Variants in ENOX1 observed in about 807,000 individuals in gnomAD.
The protein encoded by ENOX1 is candidate growth-related and time keeping constitutive hydroquinone (NADH) oxidase.
A neutral mutation model predicts 82.5 loss-of-function variants in ENOX1; 42 were observed. The observed-to-expected ratio is 0.51, with a 90% CI of 0.40 to 0.66. The LOEUF (loss-of-function observed/expected upper bound fraction) is 0.66. Among genes scored for constraint, ENOX1 ranks in the 30% least tolerant of loss-of-function variants. The probability of loss-of-function intolerance (pLI) is 0.00; values close to 1 mark genes in which losing one functional copy is unlikely to be tolerated. For synonymous variants in ENOX1, 271 were observed against 282.2 expected, an observed-to-expected ratio of 0.96 and a Z score of 0.40; for missense variants, 608 against 811.6, an observed-to-expected ratio of 0.75 and a Z score of 3.05.
intron 2 of ENOX1, among the ~76,000 whole-genome samples, chr13:43,623,713 C>G (rs1311318724): frequency 6.6e-6 from 1 of 152,140 alleles, no homozygotes; most frequent in Non-Finnish European, 1.5e-5. Context: ...ACTGCTCTGT[C>G]CAGAGATGCA....
intron 2 of ENOX1, among the ~76,000 whole-genome samples, chr13:43,658,973 AT>A (rs937819729): frequency 7.9e-5 from 12 of 152,046 alleles, no homozygotes; most frequent in African/African-American, 2.9e-4. Context: ...TCTGTCCTCC[AT>A]TTTTTATGTT....
intron 2 of ENOX1, among the ~76,000 whole-genome samples, chr13:43,607,407 C>A (rs2082023049): frequency 1.3e-5 from 2 of 152,062 alleles, no homozygotes; most frequent in African/African-American, 4.8e-5. Context: ...TTATTTGTAA[C>A]CGCATAGTTT....
At chr13:43,278,042 A>T (rs2045160354) in intron 12 of ENOX1, among the ~76,000 whole-genome samples, 1 of 152,130 alleles carries the variant, frequency 6.6e-6, no homozygotes, top group Non-Finnish European at 1.5e-5. Context: ...CAATAATAAA[A>T]CTAAAGGTGT....
chr13:43,652,355 A>G (rs1412991024), intron 2 of ENOX1, among the ~76,000 whole-genome samples: 1 of 152,194 alleles, frequency 6.6e-6, no homozygotes, highest in Admixed American at 6.5e-5. Context: ...GTCAATGTCC[A>G]CAGGCCCATT....
At chr13:43,769,333 C>T (rs1951459276) in intron 1 of ENOX1, among the ~76,000 whole-genome samples, 1 of 152,176 alleles carries the variant, frequency 6.6e-6, no homozygotes, top group Non-Finnish European at 1.5e-5. Flanking sequence ...AAGTGTGCCA[C>T]CCTAATGAGC....
In ENOX1 at chr13:43,542,200, C is replaced by T. The variant is rs887498872; in HGVS notation, c.-218-58048G>A. Among the ~76,000 whole-genome samples the T allele has an allele frequency of 1.6e-4, 25 of 152,178 alleles. No homozygotes were observed. The East Asian group carries it at 1.9e-3, about 12-fold the overall frequency. The stretch of plus-strand genomic sequence containing the variant: ...TGTCGTTCTGGCTGGAGTGCAGTGG[C>T]GTGATCTCGGCTCACTGCAACCTCT... On this transcript the variant is annotated intron_variant, in intron 2 of 16. Transcript: ENST00000690772.
chr13:43,637,521 C>T (rs2083459767), intron 2 of ENOX1, among the ~76,000 whole-genome samples: 1 of 139,894 alleles, frequency 7.1e-6, no homozygotes, highest in South Asian at 2.2e-4. Context: ...TCATAAACAT[C>T]CAGGGGAGGC....
intron 2 of ENOX1, among the ~76,000 whole-genome samples, chr13:43,530,424 C>A (rs545822841): frequency 1.8e-4 from 28 of 152,176 alleles, no homozygotes; most frequent in African/African-American, 6.7e-4. Flanking sequence ...TCACATAGAG[C>A]TAGCTCATCA....
intron 2 of ENOX1, among the ~76,000 whole-genome samples, chr13:43,592,096 G>A (rs1398253789): frequency 1.3e-5 from 2 of 152,166 alleles, no homozygotes; most frequent in Non-Finnish European, 2.9e-5. Context: ...TTTTCACCGT[G>A]TGTGCTCAAC....
chr13:43,616,178 C>CTATAGA (rs1566642064), intron 2 of ENOX1, among the ~76,000 whole-genome samples: 1 of 6,574 alleles, frequency 1.5e-4, no homozygotes, highest in African/African-American at 5.4e-4. Flanking sequence ...ATCTATCTAT[C>CTATAGA]TATCTATCTA....
chr13:43,454,701 T>C (rs1286797950), intron 3 of ENOX1, among the ~76,000 whole-genome samples: 1 of 152,174 alleles, frequency 6.6e-6, no homozygotes, highest in East Asian at 1.9e-4. Context: ...CCAAGACAAG[T>C]AGTAAAAGAG....
At chr13:43,391,978 C>A (rs948376371) in intron 5 of ENOX1, among the ~76,000 whole-genome samples, 1 of 152,178 alleles carries the variant, frequency 6.6e-6, no homozygotes, top group African/African-American at 2.4e-5. Flanking sequence ...CCAGTTCCAC[C>A]TCAACCACCA....
intron 5 of ENOX1, among the ~76,000 whole-genome samples, chr13:43,362,921 T>C (rs1044467343): frequency 2.6e-5 from 4 of 152,194 alleles, no homozygotes; most frequent in Admixed American, 2.0e-4. Context: ...AGGAGGATTT[T>C]TTTTTAAAAG....
intron 3 of ENOX1, among the ~76,000 whole-genome samples, chr13:43,465,227 T>A (rs556189223): frequency 1.2e-4 from 19 of 152,336 alleles, no homozygotes; most frequent in African/African-American, 4.6e-4. Context: ...CTACCTGTAC[T>A]ATTTGGAATT....
chr13:43,515,436 G>A (rs1381916218), intron 2 of ENOX1, among the ~76,000 whole-genome samples: 1 of 152,204 alleles, frequency 6.6e-6, no homozygotes, highest in South Asian at 2.1e-4. Flanking sequence ...CATCAGAAAT[G>A]CTTCTGGGAT....
chr13:43,769,965 C>T (rs538286127), intron 1 of ENOX1, among the ~76,000 whole-genome samples: 33 of 152,280 alleles, frequency 2.2e-4, no homozygotes, highest in African/African-American at 5.8e-4. Context: ...GCAAAAGGAG[C>T]GTATCTTTTG....
chr13:43,640,840 A>G (rs1006527759), intron 2 of ENOX1, among the ~76,000 whole-genome samples: 1 of 151,900 alleles, frequency 6.6e-6, no homozygotes, highest in African/African-American at 2.4e-5. Flanking sequence ...TATGCCTCCC[A>G]ATTACTTGTT....
At chr13:43,582,275 T>C (rs1053109744) in intron 2 of ENOX1, among the ~76,000 whole-genome samples, 6 of 152,010 alleles carry the variant, frequency 3.9e-5, no homozygotes, top group Non-Finnish European at 7.4e-5. Context: ...GCTAAAGTCA[T>C]GCTGAAAGGA....
At chr13:43,707,758 C>CAAAAAAAAA (rs1566805024) in intron 1 of ENOX1, among the ~76,000 whole-genome samples, 5 of 40,936 alleles carry the variant, frequency 1.2e-4, no homozygotes, top group South Asian at 9.1e-4. Flanking sequence ...AAAAAAAAAC[C>CAAAAAAAAA]AAGAACAAAG....
Sources: gnomAD v4.1 joint callset for allele counts (sites outside exome capture counted in the v4.1 genomes callset) on GRCh38, gnomAD v4.1.1 for gene constraint, MANE v1.5 for transcripts, NCBI Gene and HGNC (gene_info 2026-07-23, HGNC 2026-07-21) for gene names.